Variants in NRG3 observed in about 807,000 individuals in gnomAD.
The protein encoded by NRG3 is pro-neuregulin-3, membrane-bound isoform.
A neutral mutation model predicts 66.9 loss-of-function variants in NRG3; 31 were observed. The ratio of observed to expected loss-of-function variants is 0.46; its 90% CI spans 0.35 to 0.63. NRG3 has a LOEUF of 0.63. Ranked by LOEUF, NRG3 falls within the 20% of genes least tolerant of loss-of-function variation. The pLI is 0.00. For synonymous variants in NRG3, 393 were observed against 359.4 expected, an observed-to-expected ratio of 1.09 and a Z score of -1.06; for missense variants, 910 against 878.9, an observed-to-expected ratio of 1.04 and a Z score of -0.45.
intron 3 of NRG3, among the ~76,000 whole-genome samples, chr10:82,850,684 C>A (rs971913241): frequency 6.7e-6 from 1 of 148,834 alleles, no homozygotes; most frequent in African/African-American, 2.5e-5. Context: ...TACAAATTAC[C>A]TTATTTTAGA....
At chr10:82,413,947 G>T (rs899782862) in intron 2 of NRG3, among the ~76,000 whole-genome samples, 10 of 152,002 alleles carry the variant, frequency 6.6e-5, no homozygotes, top group African/African-American at 1.2e-4. Flanking sequence ...TGGCTCGTTT[G>T]ATCTTCTATT....
At chr10:82,399,260 A>G (rs1268410532) in intron 2 of NRG3, among the ~76,000 whole-genome samples, 1 of 152,206 alleles carries the variant, frequency 6.6e-6, no homozygotes, top group African/African-American at 2.4e-5. Context: ...TTTGTTCTAG[A>G]CGTACCAAAT....
intron 2 of NRG3, among the ~76,000 whole-genome samples, chr10:82,488,419 A>G (rs1486914543): frequency 6.6e-6 from 1 of 152,260 alleles, no homozygotes; most frequent in East Asian, 1.9e-4. Flanking sequence ...ATTTAAATAA[A>G]TACAAAATAA....
chr10:82,858,942 C>CTTTTTTTTTTT (rs534067829), intron 3 of NRG3, among the ~76,000 whole-genome samples: 2 of 124,236 alleles, frequency 1.6e-5, no homozygotes, highest in Non-Finnish European at 3.3e-5. Flanking sequence ...AGTAGTCTAA[C>CTTTTTTTTTTT]TTTTTTTTTT....
In NRG3 at chr10:82,918,939, G is replaced by A. The variant is rs574101531; in HGVS notation, c.1055-32530G>A. 5.3e-5 allele frequency among the ~76,000 whole-genome samples: 8 copies of A among 152,260 alleles called. No individual in the cohort carries two copies. In the South Asian group the frequency reaches 1.7e-3, roughly 32 times the overall value. ...AAATGAACTGGGTGTCCTGTAATTT[G>A]TCTAGTAATCCTACCTGTTCTAGGT... On this transcript the variant is annotated intron_variant, in intron 4 of 8. Transcript: ENST00000372141.
At chr10:82,847,948 T>A (rs982601480) in intron 3 of NRG3, among the ~76,000 whole-genome samples, 10 of 152,192 alleles carry the variant, frequency 6.6e-5, no homozygotes, top group Middle Eastern at 6.3e-3. Flanking sequence ...GTAATTAAAA[T>A]TTGATTTTAT....
At chr10:82,295,963 A>G (rs370245112) in intron 1 of NRG3, among the ~76,000 whole-genome samples, 87 of 152,218 alleles carry the variant, frequency 5.7e-4, no homozygotes, top group Middle Eastern at 6.8e-3. Flanking sequence ...ATGTAAAATT[A>G]CTATAGTAAG....
At chr10:82,262,914 C>G (rs1209871339) in intron 1 of NRG3, among the ~76,000 whole-genome samples, 5 of 151,998 alleles carry the variant, frequency 3.3e-5, no homozygotes, top group Non-Finnish European at 5.9e-5. Flanking sequence ...TTAGCACTAA[C>G]CTAATTTTTA....
At chr10:82,917,978 ATATATATATATATATGTATG>A (rs1846031503) in intron 4 of NRG3, among the ~76,000 whole-genome samples, 1 of 118,072 alleles carries the variant, frequency 8.5e-6, no homozygotes, top group South Asian at 3.0e-4. Context: ...GTGTATATAT[ATATATATATATATATGTATG>A]TATGTATCTC....
intron 2 of NRG3, among the ~76,000 whole-genome samples, chr10:82,737,711 C>T (rs1023198668): frequency 1.1e-4 from 17 of 152,094 alleles, no homozygotes; most frequent in African/African-American, 4.1e-4. Flanking sequence ...CGTCTGGGGC[C>T]TCGCCGTATT....
chr10:81,881,610 A>G (rs930020771), intron 1 of NRG3, among the ~76,000 whole-genome samples: 1 of 152,198 alleles, frequency 6.6e-6, no homozygotes, highest in Non-Finnish European at 1.5e-5. Flanking sequence ...TTTACTAAGT[A>G]TCTATCTGGG....
chr10:82,095,958 T>G (rs886401769), intron 1 of NRG3, among the ~76,000 whole-genome samples: 1 of 152,142 alleles, frequency 6.6e-6, no homozygotes, highest in Non-Finnish European at 1.5e-5. Context: ...AAGTCTCATA[T>G]GCAAATAAGT....
At chr10:82,064,811 T>G (rs1405131486) in intron 1 of NRG3, among the ~76,000 whole-genome samples, 1 of 152,152 alleles carries the variant, frequency 6.6e-6, no homozygotes, top group Non-Finnish European at 1.5e-5. Context: ...TGCTGAATAG[T>G]GAATTTGGAG....
intron 1 of NRG3, among the ~76,000 whole-genome samples, chr10:82,100,616 A>G (rs934675218): frequency 2.0e-5 from 3 of 151,998 alleles, no homozygotes; most frequent in Admixed American, 2.0e-4. Flanking sequence ...AGTTTTTTGT[A>G]TATATTTTGA....
chr10:82,040,452 A>G (rs1050892086), intron 1 of NRG3, among the ~76,000 whole-genome samples: 3 of 151,854 alleles, frequency 2.0e-5, no homozygotes, highest in Admixed American at 6.6e-5. Context: ...TTTTTTATCC[A>G]TGAGGACTGA....
intron 2 of NRG3, among the ~76,000 whole-genome samples, chr10:82,427,148 A>G (rs2089501724): frequency 6.6e-6 from 1 of 152,138 alleles, no homozygotes; most frequent in Non-Finnish European, 1.5e-5. Flanking sequence ...AGATGGTTTT[A>G]CTTTTTCATT....
At chr10:82,118,789 A>G (rs1348363131) in intron 1 of NRG3, among the ~76,000 whole-genome samples, 1 of 152,144 alleles carries the variant, frequency 6.6e-6, no homozygotes, top group Non-Finnish European at 1.5e-5. Flanking sequence ...AGCCTATGCA[A>G]GTGTGTTACA....
intron 1 of NRG3, among the ~76,000 whole-genome samples, chr10:82,198,970 C>A (rs1344250353): frequency 6.7e-6 from 1 of 148,538 alleles, no homozygotes. Context: ...GCACTCCAGC[C>A]TGGGCAACAG....
At chr10:82,066,269 G>A (rs990765968) in intron 1 of NRG3, among the ~76,000 whole-genome samples, 2 of 151,880 alleles carry the variant, frequency 1.3e-5, no homozygotes, top group African/African-American at 4.8e-5. Flanking sequence ...AATTGATGAA[G>A]AATGTAAATA....
Sources: allele counts gnomAD v4.1 joint callset (sites outside exome capture counted in the v4.1 genomes callset), GRCh38; gene constraint gnomAD v4.1.1; transcripts MANE v1.5; gene names NCBI Gene and HGNC (gene_info 2026-07-23, HGNC 2026-07-21).